SMOC1: variants seen among roughly 807,000 people sequenced by gnomAD.
The protein encoded by SMOC1 is SPARC-related modular calcium-binding protein 1.
Under a neutral mutation model 56.3 loss-of-function variants are expected in SMOC1, and 22 were observed. That is an observed-to-expected ratio of 0.39 (90% CI 0.28 to 0.56). SMOC1 has a LOEUF of 0.56. SMOC1 is among the 20% of genes least tolerant of loss of function. The pLI is 0.61. For synonymous variants in SMOC1, 193 were observed against 215.0 expected (o/e 0.90, Z 0.89); for missense variants, 509 against 565.4 (o/e 0.90, Z 1.01).
At chr14:69,983,283 A>G (rs746996098) in intron 5 of SMOC1, among the ~76,000 whole-genome samples, 31 of 152,216 alleles carry the variant, frequency 2.0e-4, no homozygotes, top group Admixed American at 3.9e-4. Context: ...CCCTGGTGTT[A>G]TTAGTAACCA....
chr14:69,994,100 G>T, intron 6 of SMOC1: 1 of 449,350 alleles, frequency 2.2e-6, no homozygotes, highest in Non-Finnish European at 4.1e-6. Context: ...ACTTGGCTTG[G>T]CCCATGTTCC....
At chr14:69,965,422 G>T (rs1412460884) in intron 3 of SMOC1, among the ~76,000 whole-genome samples, 2 of 116,254 alleles carry the variant, frequency 1.7e-5, no homozygotes, top group East Asian at 3.0e-4. Flanking sequence ...TGACCAAAGG[G>T]ATACCTGAGA....
intron 7 of SMOC1, among the ~76,000 whole-genome samples, chr14:70,008,813 C>G (rs1252043573): frequency 6.6e-6 from 1 of 152,202 alleles, no homozygotes; most frequent in African/African-American, 2.4e-5. Flanking sequence ...TCTTTCATGG[C>G]ATGAAATACG....
chr14:69,884,585 T>G (rs1476953078), intron 1 of SMOC1, among the ~76,000 whole-genome samples: 2 of 152,198 alleles, frequency 1.3e-5, no homozygotes, highest in East Asian at 1.9e-4. Flanking sequence ...ATTTAAGTCT[T>G]TAATTCATTT....
intron 10 of SMOC1, among the ~76,000 whole-genome samples, chr14:70,018,367 C>A (rs199856503): frequency 6.7e-6 from 1 of 150,206 alleles, no homozygotes; most frequent in South Asian, 2.1e-4. Flanking sequence ...CATCTACTCC[C>A]TTTTCTGGCC....
chr14:69,944,772 T>C (rs1882719952), intron 1 of SMOC1, among the ~76,000 whole-genome samples: 1 of 152,206 alleles, frequency 6.6e-6, no homozygotes. Flanking sequence ...ATCTCTGGGA[T>C]GGTGGAAAGG....
At chr14:69,946,706 A>G (rs1882796401) in intron 1 of SMOC1, among the ~76,000 whole-genome samples, 1 of 152,182 alleles carries the variant, frequency 6.6e-6, no homozygotes. Flanking sequence ...ACCCATAAAT[A>G]GTGAACTGAT....
intron 4 of SMOC1, among the ~76,000 whole-genome samples, 196 bp downstream of exon 4, chr14:69,976,010 T>C (rs959533070): frequency 9.2e-5 from 14 of 152,188 alleles, no homozygotes; most frequent in Non-Finnish European, 1.5e-5. Flanking sequence ...GCCATGTGTG[T>C]GTATTTATGG....
intron 11 of SMOC1, among the ~76,000 whole-genome samples, chr14:70,025,827 C>T (rs1885904979): frequency 6.6e-6 from 1 of 152,214 alleles, no homozygotes. Flanking sequence ...TCAGTTTCTT[C>T]ACCTGCTTAA....
intron 1 of SMOC1, among the ~76,000 whole-genome samples, chr14:69,944,961 C>A (rs1056999260): frequency 1.8e-4 from 27 of 152,100 alleles, no homozygotes; most frequent in African/African-American, 6.5e-4. Context: ...ATAGATGTTC[C>A]TTTAAAGAAA....
intron 1 of SMOC1, among the ~76,000 whole-genome samples, chr14:69,887,216 T>A (rs1883833108): frequency 6.6e-6 from 1 of 152,078 alleles, no homozygotes; most frequent in African/African-American, 2.4e-5. Context: ...GAAAGAAAAT[T>A]ACCAAAAGAT....
chr14:69,971,203 A>G (rs1194700323), intron 3 of SMOC1, among the ~76,000 whole-genome samples: 1 of 152,136 alleles, frequency 6.6e-6, no homozygotes, highest in Non-Finnish European at 1.5e-5. Context: ...TTTTTAGTAG[A>G]GACGGGGTTT....
intron 7 of SMOC1, among the ~76,000 whole-genome samples, chr14:70,006,614 G>A (rs1053420543): frequency 2.6e-5 from 4 of 152,208 alleles, no homozygotes; most frequent in African/African-American, 9.6e-5. Flanking sequence ...AGACTGCTCC[G>A]AAATGTACTG....
intron 10 of SMOC1, among the ~76,000 whole-genome samples, chr14:70,021,363 G>GTAA (rs1489823648): frequency 6.6e-6 from 1 of 152,194 alleles, no homozygotes; most frequent in Non-Finnish European, 1.5e-5. Context: ...AATATTGCAG[G>GTAA]TAAAATAGGG....
chr14:69,968,577 C>T (rs543794449), intron 3 of SMOC1, among the ~76,000 whole-genome samples: 2 of 152,272 alleles, frequency 1.3e-5, no homozygotes, highest in Middle Eastern at 3.4e-3. Context: ...TGACATGAAG[C>T]CATCAGTAGG....
intron 1 of SMOC1, among the ~76,000 whole-genome samples, chr14:69,880,760 G>GA (rs1297040648): frequency 6.6e-6 from 1 of 152,240 alleles, no homozygotes; most frequent in African/African-American, 2.4e-5. Flanking sequence ...GGATCTTTGT[G>GA]AAAACAAGGT....
intron 3 of SMOC1, among the ~76,000 whole-genome samples, chr14:69,972,200 G>A (rs2139491987): frequency 6.6e-6 from 1 of 152,296 alleles, no homozygotes; most frequent in East Asian, 1.9e-4. Flanking sequence ...GGGAGGTGCT[G>A]GAAGGCCGGC....
intron 1 of SMOC1, among the ~76,000 whole-genome samples, chr14:69,948,660 G>T (rs985325349): frequency 6.6e-6 from 1 of 152,146 alleles, no homozygotes; most frequent in African/African-American, 2.4e-5. Context: ...AAGAAACTTT[G>T]TCTTCCTCTC....
At chr14:69,975,648 T>G in intron 3 of SMOC1, 67 bp from the exon 4 acceptor site, 3 of 1,117,244 alleles carry the variant, frequency 2.7e-6, no homozygotes, top group Non-Finnish European at 4.1e-6. Context: ...TTGAAAGGGG[T>G]TGGAGATGAG....
Sources: gnomAD v4.1 joint callset for allele counts (sites outside exome capture counted in the v4.1 genomes callset) on GRCh38, gnomAD v4.1.1 for gene constraint, MANE v1.5 for transcripts, NCBI Gene and HGNC (gene_info 2026-07-23, HGNC 2026-07-21) for gene names.